Variants in ROR1 observed in about 807,000 individuals in gnomAD.
ROR1 encodes inactive tyrosine-protein kinase transmembrane receptor ROR1.
A neutral mutation model predicts 78.8 loss-of-function variants in ROR1; 19 were observed. The ratio of observed to expected loss-of-function variants is 0.24; its 90% CI spans 0.17 to 0.35. The LOEUF is 0.35. ROR1 is among the 10% of genes least tolerant of loss of function. The pLI is 1.00. For missense variants in ROR1, 917 were observed against 1,177.8 expected (o/e 0.78, Z 3.24); for synonymous variants, 386 against 433.6 (o/e 0.89, Z 1.36).
chr1:63,909,960 G>A (rs1421050657), intron 1 of ROR1, among the ~76,000 whole-genome samples: 2 of 152,204 alleles, frequency 1.3e-5, no homozygotes, highest in Non-Finnish European at 2.9e-5. Flanking sequence ...CTGGAAGTGT[G>A]TGGGAGAGTG....
At chr1:64,114,046 C>A (rs1268298899) in intron 4 of ROR1, among the ~76,000 whole-genome samples, 1 of 152,120 alleles carries the variant, frequency 6.6e-6, no homozygotes, top group Non-Finnish European at 1.5e-5. Flanking sequence ...TCTCCCTCTG[C>A]CCCTGAATTG....
intron 1 of ROR1, chr1:63,788,798 A>C (rs925509882): frequency 3.3e-6 from 2 of 601,958 alleles, no homozygotes; most frequent in African/African-American, 3.7e-5. Flanking sequence ...TGGCGCTTGC[A>C]TGCTTCCTTG....
At chr1:63,798,376 C>G (rs1569728659) in intron 1 of ROR1, among the ~76,000 whole-genome samples, 1 of 152,218 alleles carries the variant, frequency 6.6e-6, no homozygotes, top group South Asian at 2.1e-4. Context: ...TTAGAATAAT[C>G]TAGAACAGGA....
At chr1:63,825,571 C>T (rs757755320) in intron 1 of ROR1, among the ~76,000 whole-genome samples, 10 of 152,072 alleles carry the variant, frequency 6.6e-5, no homozygotes, top group African/African-American at 1.4e-4. Flanking sequence ...TTGGGGATGA[C>T]GGAAATGTTT....
intron 1 of ROR1, among the ~76,000 whole-genome samples, chr1:63,875,175 C>T (rs1015644697): frequency 6.6e-6 from 1 of 152,050 alleles, no homozygotes; most frequent in Non-Finnish European, 1.5e-5. Context: ...TTTGTAAAGT[C>T]AGGGGTAATC....
chr1:63,930,441 C>T (rs1645742588), intron 1 of ROR1, among the ~76,000 whole-genome samples: 1 of 152,160 alleles, frequency 6.6e-6, no homozygotes, highest in Admixed American at 6.5e-5. Flanking sequence ...CAAGTAATTC[C>T]TTCTTTCTGT....
intron 7 of ROR1, among the ~76,000 whole-genome samples, chr1:64,150,132 C>CT (rs1331679429): frequency 6.6e-6 from 1 of 152,194 alleles, no homozygotes; most frequent in Admixed American, 6.5e-5. Context: ...ATTTCTTCTC[C>CT]TAGCCATGCC....
intron 2 of ROR1, among the ~76,000 whole-genome samples, chr1:64,030,242 C>T (rs1345782694): frequency 1.3e-5 from 2 of 152,060 alleles, no homozygotes; most frequent in Admixed American, 1.3e-4. Context: ...AATGCTTGTG[C>T]CCATCTCCAA....
intron 1 of ROR1, among the ~76,000 whole-genome samples, chr1:63,960,007 G>A (rs1046243397): frequency 3.3e-5 from 5 of 152,070 alleles, no homozygotes; most frequent in Non-Finnish European, 5.9e-5. Flanking sequence ...ATCACTATCC[G>A]CTTTTGATGT....
At chr1:63,881,464 A>T (rs1645322957) in intron 1 of ROR1, among the ~76,000 whole-genome samples, 1 of 152,140 alleles carries the variant, frequency 6.6e-6, no homozygotes, top group African/African-American at 2.4e-5. Flanking sequence ...AGGGCTATGG[A>T]CACCAAGACC....
chr1:64,098,304 C>T (rs969316598), intron 4 of ROR1, among the ~76,000 whole-genome samples: 1 of 152,166 alleles, frequency 6.6e-6, no homozygotes, highest in South Asian at 2.1e-4. Context: ...CCCAAACCCC[C>T]TCTGAAATGG....
At chr1:63,806,316 A>AT (rs370972368) in intron 1 of ROR1, among the ~76,000 whole-genome samples, 2,928 of 87,234 alleles carry the variant, frequency 0.034, 86 homozygotes, top group African/African-American at 0.1. Flanking sequence ...CTGTCAGACT[A>AT]TTTTTTTTTT....
chr1:63,808,211 C>T (rs1239608782), intron 1 of ROR1, among the ~76,000 whole-genome samples: 1 of 152,128 alleles, frequency 6.6e-6, no homozygotes, highest in East Asian at 1.9e-4. Flanking sequence ...ATTGTAACTT[C>T]CAACTTGTGC....
intron 4 of ROR1, among the ~76,000 whole-genome samples, chr1:64,064,320 C>T (rs1419865195): frequency 3.3e-5 from 5 of 152,184 alleles, no homozygotes; most frequent in Non-Finnish European, 5.9e-5. Flanking sequence ...TGAGAAGATG[C>T]TTCCACTGCT....
intron 4 of ROR1, among the ~76,000 whole-genome samples, chr1:64,062,618 G>A (rs1250447652): frequency 2.0e-5 from 3 of 152,138 alleles, no homozygotes; most frequent in Non-Finnish European, 4.4e-5. Flanking sequence ...GCCCATGTGG[G>A]TGTTTTTAAA....
chr1:64,123,245 TG>T (rs1648605514), intron 4 of ROR1, among the ~76,000 whole-genome samples: 1 of 152,172 alleles, frequency 6.6e-6, no homozygotes, highest in African/African-American at 2.4e-5. Flanking sequence ...AAGCATAGTT[TG>T]GTGAGTATAA....
intron 1 of ROR1, among the ~76,000 whole-genome samples, chr1:63,988,735 T>C (rs1214563934): frequency 6.6e-6 from 1 of 152,240 alleles, no homozygotes; most frequent in Non-Finnish European, 1.5e-5. Flanking sequence ...TGGAATCATA[T>C]AGTATTTGTC....
intron 1 of ROR1, among the ~76,000 whole-genome samples, chr1:63,840,159 A>T (rs1312075442): frequency 2.6e-5 from 4 of 152,150 alleles, no homozygotes; most frequent in Admixed American, 6.5e-5. Flanking sequence ...TCCATGATGC[A>T]CTGTGATTTT....
chr1:64,069,913 G>A (rs866480795), intron 4 of ROR1, among the ~76,000 whole-genome samples: 17 of 152,156 alleles, frequency 1.1e-4, no homozygotes, highest in Non-Finnish European at 2.2e-4. Context: ...TACATTCACA[G>A]TGTGGTATGA....
Sources: allele counts gnomAD v4.1 joint callset (sites outside exome capture counted in the v4.1 genomes callset), GRCh38; gene constraint gnomAD v4.1.1; transcripts MANE v1.5; gene names NCBI Gene and HGNC (gene_info 2026-07-23, HGNC 2026-07-21).